Variants in SLC25A48 observed in about 807,000 individuals in gnomAD.
The protein encoded by SLC25A48 is solute carrier family 25 member 48, also known as CTC-321K16.1.
A neutral mutation model predicts 32.2 loss-of-function variants in SLC25A48; 29 were observed. The observed-to-expected ratio is 0.90, with a 90% CI of 0.67 to 1.23. The LOEUF is 1.23. SLC25A48 is among the 50% of genes most tolerant of loss of function. The probability of loss-of-function intolerance (pLI) is 0.00; values close to 1 mark genes in which losing one functional copy is unlikely to be tolerated. For synonymous variants in SLC25A48, 164 were observed against 172.3 expected (o/e 0.95, Z 0.38); for missense variants, 399 against 422.7 (o/e 0.94, Z 0.49).
intron 3 of SLC25A48, among the ~76,000 whole-genome samples, chr5:135,758,056 T>A (rs1755964253): frequency 1.3e-5 from 2 of 150,670 alleles, no homozygotes; most frequent in Admixed American, 6.6e-5. Flanking sequence ...ATCTCTATGA[T>A]ATTTATAATA....
chr5:135,792,965 C>G (rs1757069167), intron 3 of SLC25A48, among the ~76,000 whole-genome samples: 2 of 150,928 alleles, frequency 1.3e-5, no homozygotes, highest in South Asian at 4.2e-4. Flanking sequence ...GGATATACAC[C>G]ATGTATGTAC....
intron 1 of SLC25A48, among the ~76,000 whole-genome samples, chr5:135,591,299 A>G (rs1013803871): frequency 1.3e-5 from 2 of 152,338 alleles, no homozygotes; most frequent in Admixed American, 6.5e-5. Context: ...GAAGGGACTT[A>G]CTCAGGGCAC....
chr5:135,820,987 G>A lies in SLC25A48; in HGVS notation c.-117+8061G>A, dbSNP rs187766765. On this transcript the variant is annotated intron_variant, in intron 4 of 10. Transcript: ENST00000646290. ...GAGGTCCTGGAGATGTCTCAGCCTC[G>A]TGACCATCAATGGCATTCCAAGGCT... Among the ~76,000 whole-genome samples the A allele has an allele frequency of 1.2e-3, 188 of 152,278 alleles. 1 individual carries two copies. The highest frequency in any genetic ancestry group is 4.1e-3 in the African/African-American group (172 of 41,560).
In SLC25A48 at chr5:135,746,419, G is replaced by A. The variant is rs1353877690; in HGVS notation, c.-520-66104G>A. On this transcript the variant is annotated intron_variant, in intron 3 of 10. Coordinates refer to the SLC25A48 transcript ENST00000646290. ...GCTACAGTTTTGCCCTGCCACCCAC[G>A]CCTCCTCCAGGAACTCACGTGAGGC... 14 of 189,528 alleles carry A rather than the reference G, an allele frequency of 7.4e-5. No homozygotes were observed. The Admixed American group carries it at 7.7e-4, about 10-fold the overall frequency. 11.7% of individuals were successfully genotyped at this position (189,528 alleles called of 1,614,324 possible).
At chr5:135,606,681 A>G (rs1024053196) in intron 1 of SLC25A48, among the ~76,000 whole-genome samples, 1 of 152,208 alleles carries the variant, frequency 6.6e-6, no homozygotes, top group Non-Finnish European at 1.5e-5. Flanking sequence ...CATCCCTGGC[A>G]CACAGGCTGT....
intron 3 of SLC25A48, among the ~76,000 whole-genome samples, chr5:135,729,943 G>T (rs1755186288): frequency 6.6e-6 from 1 of 152,162 alleles, no homozygotes; most frequent in Non-Finnish European, 1.5e-5. Context: ...ATATTATGTA[G>T]TGGTTCCTGT....
chr5:135,796,988 C>G (rs963121193), intron 3 of SLC25A48, among the ~76,000 whole-genome samples: 7 of 151,628 alleles, frequency 4.6e-5, no homozygotes, highest in East Asian at 3.9e-4. Context: ...TTTTCACCCC[C>G]CCATGATATT....
chr5:135,636,974 T>TA (rs934088337), intron 3 of SLC25A48, among the ~76,000 whole-genome samples: 45 of 129,384 alleles, frequency 3.5e-4, no homozygotes, highest in Admixed American at 1.2e-3. Flanking sequence ...GGGTATCCGT[T>TA]ACGAGTAGGG....
At chr5:135,866,050 G>C (rs938603151) in intron 4 of SLC25A48, among the ~76,000 whole-genome samples, 1 of 152,200 alleles carries the variant, frequency 6.6e-6, no homozygotes, top group Non-Finnish European at 1.5e-5. Context: ...CACTGGCTGA[G>C]CCTTACTGGA....
intron 6 of SLC25A48, among the ~76,000 whole-genome samples, chr5:135,879,557 T>C (rs1159478518): frequency 6.6e-6 from 1 of 151,602 alleles, no homozygotes; most frequent in African/African-American, 2.4e-5. Flanking sequence ...GGGTGCTCTG[T>C]CTACTCAGGG....
chr5:135,641,787 G>A (rs1752843156), intron 3 of SLC25A48, among the ~76,000 whole-genome samples: 1 of 152,058 alleles, frequency 6.6e-6, no homozygotes, highest in African/African-American at 2.4e-5. Flanking sequence ...CTGTCTCTGG[G>A]GCTCTGTGGA....
intron 3 of SLC25A48, among the ~76,000 whole-genome samples, chr5:135,720,149 T>G (rs1292261626): frequency 3.3e-5 from 5 of 152,232 alleles, no homozygotes; most frequent in African/African-American, 4.8e-5. Flanking sequence ...AGTGGAGCTC[T>G]TGACTATGGG....
chr5:135,838,108 A>G (rs910039858), intron 1 of SLC25A48, among the ~76,000 whole-genome samples: 1 of 152,174 alleles, frequency 6.6e-6, no homozygotes, highest in African/African-American at 2.4e-5. Context: ...GAGATGAGGA[A>G]CTTGTTGGGA....
intron 1 of SLC25A48, among the ~76,000 whole-genome samples, chr5:135,602,421 G>A (rs2126884623): frequency 6.6e-6 from 1 of 152,244 alleles, no homozygotes; most frequent in South Asian, 2.1e-4. Context: ...CCCCATAAAT[G>A]GGCTTATGTA....
At chr5:135,868,247 A>G (rs1458081239) in intron 4 of SLC25A48, among the ~76,000 whole-genome samples, 1 of 152,216 alleles carries the variant, frequency 6.6e-6, no homozygotes, top group Non-Finnish European at 1.5e-5. Flanking sequence ...CCAGCCAAGA[A>G]TGCATGACCA....
chr5:135,810,601 A>G (rs761642162), intron 3 of SLC25A48, among the ~76,000 whole-genome samples: 5 of 152,186 alleles, frequency 3.3e-5, no homozygotes, highest in Non-Finnish European at 7.3e-5. Flanking sequence ...CTGAGCAGGG[A>G]GATGACTGGC....
intron 1 of SLC25A48, among the ~76,000 whole-genome samples, chr5:135,612,292 A>G (rs1237878165): frequency 6.6e-6 from 1 of 152,224 alleles, no homozygotes; most frequent in Admixed American, 6.5e-5. Flanking sequence ...TATGGGGTAC[A>G]TGTGATACTT....
At chr5:135,723,414 A>ACAC (rs70976577) in intron 3 of SLC25A48, among the ~76,000 whole-genome samples, 3 of 145,708 alleles carry the variant, frequency 2.1e-5, no homozygotes, top group African/African-American at 5.1e-5. Context: ...ACACACACAC[A>ACAC]ATGGGGAGGG....
intron 1 of SLC25A48, 200 bp downstream of exon 1, chr5:135,835,093 C>A (rs1758384159): frequency 1.4e-6 from 1 of 726,514 alleles, no homozygotes; most frequent in Admixed American, 2.0e-5. Context: ...AGCTTCACAG[C>A]GTTTCGGGCT....
Sources: gnomAD v4.1 joint callset for allele counts (sites outside exome capture counted in the v4.1 genomes callset) on GRCh38, gnomAD v4.1.1 for gene constraint, MANE v1.5 for transcripts, NCBI Gene and HGNC (gene_info 2026-07-23, HGNC 2026-07-21) for gene names.